Variants in PTPRD observed in about 807,000 individuals in gnomAD.
PTPRD encodes the protein receptor-type tyrosine-protein phosphatase delta.
PTPRD carries 34 observed loss-of-function variants against 214.5 expected under a neutral mutation model. That is an observed-to-expected ratio of 0.16 (90% CI 0.12 to 0.21). The LOEUF (loss-of-function observed/expected upper bound fraction) is 0.21, where lower values mean the gene tolerates loss of function less well. Ranked by LOEUF, PTPRD falls within the 10% of genes least tolerant of loss-of-function variation. The pLI is 1.00. For synonymous variants in PTPRD, 1,128 were observed against 845.7 expected (o/e 1.33, Z -5.79); for missense variants, 2,545 against 2,398.7 (o/e 1.06, Z -1.27).
chr9:10,489,925 G>C (rs1013620662), intron 2 of PTPRD, among the ~76,000 whole-genome samples: 10 of 152,170 alleles, frequency 6.6e-5, no homozygotes, highest in African/African-American at 2.2e-4. Flanking sequence ...TACCTCTTCA[G>C]TGCCTCTTTC....
intron 10 of PTPRD, among the ~76,000 whole-genome samples, chr9:9,170,577 G>A (rs555790394): frequency 7.2e-5 from 11 of 152,216 alleles, no homozygotes; most frequent in Admixed American, 4.6e-4. Context: ...TTATATTAAC[G>A]CTGGCCCAGG....
At chr9:9,725,773 C>T (rs2098078321) in intron 7 of PTPRD, among the ~76,000 whole-genome samples, 1 of 152,094 alleles carries the variant, frequency 6.6e-6, no homozygotes, top group Admixed American at 6.6e-5. Flanking sequence ...AAATTAGTGA[C>T]AAATTATTAT....
chr9:10,067,598 T>C (rs1478056496), intron 3 of PTPRD, among the ~76,000 whole-genome samples: 1 of 151,840 alleles, frequency 6.6e-6, no homozygotes, highest in South Asian at 2.1e-4. Flanking sequence ...GAGGTATTAT[T>C]ATCTCTTATT....
intron 5 of PTPRD, among the ~76,000 whole-genome samples, chr9:9,860,720 G>A (rs1477783905): frequency 2.0e-5 from 3 of 152,158 alleles, no homozygotes; most frequent in Non-Finnish European, 2.9e-5. Flanking sequence ...TATACATGAA[G>A]CTTTCCTAGG....
At chr9:9,766,005 A>G (rs925459164) in intron 6 of PTPRD, among the ~76,000 whole-genome samples, 6 of 152,104 alleles carry the variant, frequency 3.9e-5, no homozygotes, top group Admixed American at 3.9e-4. Context: ...TTCTCTTGTT[A>G]ATTTCTCTTT....
intron 2 of PTPRD, among the ~76,000 whole-genome samples, chr9:10,350,895 A>T (rs185163623): frequency 1.0e-3 from 153 of 152,262 alleles, no homozygotes; most frequent in Non-Finnish European, 1.7e-3. Flanking sequence ...GGATAGGTGG[A>T]AAGACATCGT....
chr9:9,517,415 G>C (rs955896309), intron 8 of PTPRD, among the ~76,000 whole-genome samples: 2 of 152,064 alleles, frequency 1.3e-5, no homozygotes, highest in Non-Finnish European at 2.9e-5. Flanking sequence ...AGAACAAAGA[G>C]CCTAGGCAAA....
intron 3 of PTPRD, among the ~76,000 whole-genome samples, chr9:10,051,114 G>A (rs1018734809): frequency 2.6e-5 from 4 of 151,914 alleles, no homozygotes; most frequent in East Asian, 1.9e-4. Flanking sequence ...TGAATTCTGG[G>A]TACCTAATAT....
intron 9 of PTPRD, among the ~76,000 whole-genome samples, chr9:9,253,844 A>G (rs2099976512): frequency 6.6e-6 from 1 of 152,116 alleles, no homozygotes; most frequent in Admixed American, 6.6e-5. Context: ...CTTCTGTTCC[A>G]GAGGCCAGAA....
chr9:9,274,508 T>C (rs1944204651), intron 9 of PTPRD, among the ~76,000 whole-genome samples: 2 of 151,210 alleles, frequency 1.3e-5, no homozygotes, highest in Admixed American at 6.6e-5. Context: ...ATGAGTCTCA[T>C]TTATCAGGGG....
At chr9:8,493,432 C>T (rs2097190803) in intron 26 of PTPRD, among the ~76,000 whole-genome samples, 1 of 152,134 alleles carries the variant, frequency 6.6e-6, no homozygotes, top group African/African-American at 2.4e-5. Context: ...TTATTTTATG[C>T]CAACAGCTCT....
chr9:10,502,802 T>C (rs80165901), intron 2 of PTPRD, among the ~76,000 whole-genome samples: 1 of 152,064 alleles, frequency 6.6e-6, no homozygotes, highest in African/African-American at 2.4e-5. Flanking sequence ...AGTTTTCAGA[T>C]AATAATATAA....
chr9:8,870,890 T>C (rs1242821141), intron 11 of PTPRD, among the ~76,000 whole-genome samples: 1 of 152,102 alleles, frequency 6.6e-6, no homozygotes, highest in Non-Finnish European at 1.5e-5. Context: ...GAACGGGATA[T>C]TGGGAAAAGG....
At chr9:9,013,792 C>A (rs1355357468) in intron 11 of PTPRD, among the ~76,000 whole-genome samples, 1 of 152,108 alleles carries the variant, frequency 6.6e-6, no homozygotes, top group African/African-American at 2.4e-5. Flanking sequence ...GGTGAAGGTG[C>A]CATTGTCAAC....
chr9:8,965,141 G>A (rs907499123), intron 11 of PTPRD, among the ~76,000 whole-genome samples: 52 of 152,070 alleles, frequency 3.4e-4, no homozygotes, highest in African/African-American at 1.2e-3. Context: ...ACTTTGGGAG[G>A]CCGAGGCAGG....
chr9:9,002,005 T>A (rs1246292788), intron 11 of PTPRD, among the ~76,000 whole-genome samples: 1 of 110,848 alleles, frequency 9.0e-6, no homozygotes, highest in Non-Finnish European at 1.8e-5. Context: ...GGGGTTGGTG[T>A]CGGGGGTGGG....
chr9:8,358,005 T>C (rs2077407567), intron 39 of PTPRD, among the ~76,000 whole-genome samples: 1 of 152,208 alleles, frequency 6.6e-6, no homozygotes, highest in South Asian at 2.1e-4. Context: ...TCCCGTATTT[T>C]TTAGTCTATA....
intron 4 of PTPRD, among the ~76,000 whole-genome samples, chr9:10,003,278 A>C (rs1188605780): frequency 6.6e-6 from 1 of 151,824 alleles, no homozygotes; most frequent in African/African-American, 2.4e-5. Flanking sequence ...AGGAAGTGAG[A>C]TAAAGGTTAG....
chr9:9,500,445 G>C (rs992174811), intron 8 of PTPRD, among the ~76,000 whole-genome samples: 2 of 152,088 alleles, frequency 1.3e-5, no homozygotes, highest in African/African-American at 4.8e-5. Context: ...TACAGCTAAA[G>C]AACACAGCAG....
Sources: gnomAD v4.1 joint callset for allele counts (sites outside exome capture counted in the v4.1 genomes callset) on GRCh38, gnomAD v4.1.1 for gene constraint, MANE v1.5 for transcripts, NCBI Gene and HGNC (gene_info 2026-07-23, HGNC 2026-07-21) for gene names.